The following ARL15 variants were observed in gnomAD, a reference collection of about 807,000 sequenced individuals.
ARL15 encodes the protein ADP-ribosylation factor-like protein 15.
In ARL15, 19 loss-of-function variants were observed where a neutral mutation model predicts 25.2. The ratio of observed to expected loss-of-function variants is 0.75; its 90% CI spans 0.53 to 1.10. The LOEUF is 1.10. Among genes scored for constraint, ARL15 ranks in the 50% least tolerant of loss-of-function variants. The probability of loss-of-function intolerance (pLI) is 0.00; values close to 1 mark genes in which losing one functional copy is unlikely to be tolerated. For missense variants in ARL15, 220 were observed against 246.0 expected (o/e 0.89, Z 0.71); for synonymous variants, 94 against 86.8 (o/e 1.08, Z -0.46).
chr5:53,932,233 G>T (rs1380797155), intron 4 of ARL15, among the ~76,000 whole-genome samples: 1 of 152,192 alleles, frequency 6.6e-6, no homozygotes, highest in African/African-American at 2.4e-5. Flanking sequence ...TATTAAGAAA[G>T]AATCAGGATA....
intron 1 of ARL15, among the ~76,000 whole-genome samples, chr5:54,238,032 T>C (rs188740410): frequency 1.1e-4 from 16 of 152,294 alleles, no homozygotes; most frequent in Admixed American, 9.1e-4. Flanking sequence ...TTTTAAATCT[T>C]TATATTTTTA....
chr5:54,074,756 T>G (rs1751540663), intron 4 of ARL15, among the ~76,000 whole-genome samples: 1 of 152,114 alleles, frequency 6.6e-6, no homozygotes, highest in South Asian at 2.1e-4. Flanking sequence ...ATTTTGATAT[T>G]TTCTATTTGA....
intron 4 of ARL15, among the ~76,000 whole-genome samples, chr5:54,084,256 C>T (rs946888320): frequency 2.0e-5 from 3 of 151,970 alleles, no homozygotes; most frequent in African/African-American, 4.8e-5. Flanking sequence ...TTCAGGACAC[C>T]GTATGCTTCA....
intron 4 of ARL15, among the ~76,000 whole-genome samples, chr5:54,096,481 T>C (rs1752290483): frequency 6.6e-6 from 1 of 152,208 alleles, no homozygotes; most frequent in East Asian, 1.9e-4. Context: ...TGGTGCCATC[T>C]TGGCTCACTG....
chr5:54,305,297 T>G (rs895038348), intron 1 of ARL15, among the ~76,000 whole-genome samples: 2 of 151,958 alleles, frequency 1.3e-5, no homozygotes, highest in Non-Finnish European at 2.9e-5. Flanking sequence ...GTCAGGAGTT[T>G]GAGACCAGCC....
chr5:54,032,798 A>T (rs145088801), intron 4 of ARL15, among the ~76,000 whole-genome samples: 1 of 152,114 alleles, frequency 6.6e-6, no homozygotes, highest in Admixed American at 6.6e-5. Flanking sequence ...TTAGAATTAA[A>T]CATAAAAAGT....
At chr5:54,003,211 G>T (rs908464732) in intron 4 of ARL15, among the ~76,000 whole-genome samples, 1 of 152,198 alleles carries the variant, frequency 6.6e-6, no homozygotes, top group Non-Finnish European at 1.5e-5. Flanking sequence ...CACAGTGGGG[G>T]AAATGTGGTA....
intron 1 of ARL15, among the ~76,000 whole-genome samples, chr5:54,205,978 G>A (rs1755856539): frequency 6.6e-6 from 1 of 152,028 alleles, no homozygotes; most frequent in Admixed American, 6.6e-5. Flanking sequence ...TTCTTCTTCT[G>A]GTTTGGCCCT....
intron 1 of ARL15, among the ~76,000 whole-genome samples, chr5:54,232,675 G>T (rs1003292186): frequency 6.6e-6 from 1 of 152,126 alleles, no homozygotes; most frequent in Admixed American, 6.5e-5. Flanking sequence ...CCACAAAATT[G>T]CTTCTCAGAA....
At chr5:54,011,936 G>A (rs1051661992) in intron 4 of ARL15, among the ~76,000 whole-genome samples, 1 of 152,024 alleles carries the variant, frequency 6.6e-6, no homozygotes, top group East Asian at 2.0e-4. Flanking sequence ...TTGAAACCAG[G>A]AGGCCAAGGT....
chr5:54,306,797 A>G (rs1358569192), intron 1 of ARL15, among the ~76,000 whole-genome samples: 1 of 152,230 alleles, frequency 6.6e-6, no homozygotes, highest in Non-Finnish European at 1.5e-5. Flanking sequence ...GAGTACAACC[A>G]ATTCTACCAC....
intron 3 of ARL15, among the ~76,000 whole-genome samples, chr5:54,138,778 A>G (rs572179135): frequency 2.0e-5 from 3 of 152,206 alleles, no homozygotes; most frequent in East Asian, 1.9e-4. Flanking sequence ...GCATCCAACA[A>G]AGGACTAATA....
intron 4 of ARL15, among the ~76,000 whole-genome samples, chr5:53,990,481 G>A (rs1256269261): frequency 2.0e-5 from 3 of 152,200 alleles, no homozygotes; most frequent in Non-Finnish European, 2.9e-5. Context: ...TTACCAGGAT[G>A]TAAATTCTTA....
intron 1 of ARL15, among the ~76,000 whole-genome samples, chr5:54,290,326 T>A (rs1758291937): frequency 6.7e-6 from 1 of 149,754 alleles, no homozygotes; most frequent in Admixed American, 6.7e-5. Flanking sequence ...TTTTTTGAGG[T>A]AGAGTCTCAC....
intron 4 of ARL15, among the ~76,000 whole-genome samples, chr5:54,008,058 C>G (rs183381940): frequency 1.6e-4 from 25 of 152,308 alleles, no homozygotes; most frequent in Admixed American, 3.9e-4. Context: ...TGTCCTGAAG[C>G]TGATGTAGCA....
At chr5:54,051,541 T>G (rs1344855022) in intron 4 of ARL15, among the ~76,000 whole-genome samples, 1 of 152,154 alleles carries the variant, frequency 6.6e-6, no homozygotes, top group Non-Finnish European at 1.5e-5. Flanking sequence ...AAATGACAAG[T>G]CACCAAACAG....
intron 4 of ARL15, among the ~76,000 whole-genome samples, chr5:53,943,307 G>C (rs934860555): frequency 2.6e-5 from 4 of 152,190 alleles, no homozygotes; most frequent in Admixed American, 6.5e-5. Flanking sequence ...GTGTGTAAAA[G>C]GTTAGTAGAT....
chr5:53,970,806 G>T (rs901445289), intron 4 of ARL15, among the ~76,000 whole-genome samples: 1 of 152,200 alleles, frequency 6.6e-6, no homozygotes. Flanking sequence ...AGACAAAACA[G>T]ACAAGGGATT....
At chr5:54,083,090 A>C (rs1364860821) in intron 4 of ARL15, among the ~76,000 whole-genome samples, 1 of 152,228 alleles carries the variant, frequency 6.6e-6, no homozygotes, top group African/African-American at 2.4e-5. Flanking sequence ...CACACAATGC[A>C]TTTATTTTTC....
Sources: allele counts gnomAD v4.1 joint callset (sites outside exome capture counted in the v4.1 genomes callset), GRCh38; gene constraint gnomAD v4.1.1; transcripts MANE v1.5; gene names NCBI Gene and HGNC (gene_info 2026-07-23, HGNC 2026-07-21).